NPSR1: variants seen among roughly 807,000 people sequenced by gnomAD.
The protein encoded by NPSR1 is neuropeptide S receptor 1.
Under a neutral mutation model 46.9 loss-of-function variants are expected in NPSR1, and 48 were observed. That is an observed-to-expected ratio of 1.02 (90% confidence interval 0.81 to 1.30). The LOEUF is 1.30. Ranked by LOEUF, NPSR1 falls within the 50% of genes most tolerant of loss-of-function variation. The pLI is 0.00. For synonymous variants in NPSR1, 176 were observed against 168.1 expected, an observed-to-expected ratio of 1.05 and a Z score of -0.36; for missense variants, 450 against 449.5, an observed-to-expected ratio of 1.00 and a Z score of -0.01.
At chr7:34,665,044 G>A (rs934456043) in intron 1 of NPSR1, among the ~76,000 whole-genome samples, 19 of 152,032 alleles carry the variant, frequency 1.2e-4, no homozygotes, top group Admixed American at 1.0e-3. Context: ...CTTTTTCTTT[G>A]AGCAGATATG....
At chr7:34,721,749 A>G (rs1783868250) in intron 2 of NPSR1, among the ~76,000 whole-genome samples, 1 of 152,234 alleles carries the variant, frequency 6.6e-6, no homozygotes, top group Admixed American at 6.5e-5. Flanking sequence ...TATGCCGCCG[A>G]ATTTATGTAT....
At position 34,810,951 on chromosome 7, in the gene NPSR1, C is replaced by T. The variant is rs549001617; in HGVS notation, c.385-819C>T. On this transcript the variant is annotated intron_variant, in intron 3 of 8. Coordinates refer to ENST00000360581, the MANE Select transcript of NPSR1 (RefSeq NM_207172.2). ...AGGGGTATGGCTCTCTGTTCAGCTTCCTCAAGCTCAAACTCCTTATAGGAG... is the reference window on the plus strand; with the variant it reads ...AGGGGTATGGCTCTCTGTTCAGCTTTCTCAAGCTCAAACTCCTTATAGGAG... Among the ~76,000 whole-genome samples the T allele has an allele frequency of 3.0e-4, 46 of 152,244 alleles. No individual in the cohort carries two copies. The South Asian group carries it at 9.1e-3, about 30-fold the overall frequency.
chr7:34,751,005 T>A, intron 2 of NPSR1: 1 of 771,570 alleles, frequency 1.3e-6, no homozygotes, highest in Non-Finnish European at 2.4e-6. Context: ...ATTGAAGAAC[T>A]TCTTGGCCAG....
chr7:34,820,308 G>T (rs928522580), intron 4 of NPSR1, among the ~76,000 whole-genome samples: 1 of 152,094 alleles, frequency 6.6e-6, no homozygotes, highest in Admixed American at 6.5e-5. Context: ...TGGTTTAGAA[G>T]TTAATTTTAA....
At chr7:34,845,473 T>A (rs766580017) in intron 7 of NPSR1, 10 of 430,680 alleles carry the variant, frequency 2.3e-5, no homozygotes, top group Non-Finnish European at 4.1e-5. Context: ...CTCTTAAGAC[T>A]CATAAAGTCA....
intron 2 of NPSR1, chr7:34,750,442 G>A (rs1785460630): frequency 4.0e-6 from 3 of 742,978 alleles, no homozygotes; most frequent in African/African-American, 3.4e-5. Context: ...GCTCTGGTGT[G>A]ACGAAGTCAT....
chr7:34,667,351 G>T (rs1791801925), intron 1 of NPSR1, among the ~76,000 whole-genome samples: 2 of 152,190 alleles, frequency 1.3e-5, no homozygotes, highest in South Asian at 4.1e-4. Context: ...ACAGGAGAAA[G>T]GGGGGTAGTC....
chr7:34,823,609 G>C (rs1206202574), intron 4 of NPSR1, among the ~76,000 whole-genome samples: 1 of 151,824 alleles, frequency 6.6e-6, no homozygotes, highest in Non-Finnish European at 1.5e-5. Flanking sequence ...ATAAATAGTA[G>C]GCACTTTTGA....
chr7:34,727,316 G>A (rs1784206601), intron 2 of NPSR1, among the ~76,000 whole-genome samples: 1 of 152,110 alleles, frequency 6.6e-6, no homozygotes, highest in Non-Finnish European at 1.5e-5. Flanking sequence ...ATCTCCAGGA[G>A]GGTGATCATG....
At chr7:34,692,182 C>G (rs984199180) in intron 2 of NPSR1, among the ~76,000 whole-genome samples, 16 of 151,954 alleles carry the variant, frequency 1.1e-4, no homozygotes, top group African/African-American at 3.4e-4. Context: ...TGGACTTAAA[C>G]TATATATAGA....
downstream of NPSR1, among the ~76,000 whole-genome samples, chr7:34,850,543 GGT>G (rs1790903935): frequency 6.6e-6 from 1 of 152,004 alleles, no homozygotes. Context: ...TGCGACCACA[GGT>G]GCCCGCCACC....
At chr7:34,690,325 C>T (rs1793183765) in intron 2 of NPSR1, among the ~76,000 whole-genome samples, 1 of 152,026 alleles carries the variant, frequency 6.6e-6, no homozygotes, top group Non-Finnish European at 1.5e-5. Context: ...AGAGAAATAA[C>T]TCGGAATGTA....
intron 3 of NPSR1, among the ~76,000 whole-genome samples, chr7:34,783,165 T>C (rs1280574715): frequency 6.6e-6 from 1 of 152,128 alleles, no homozygotes; most frequent in East Asian, 1.9e-4. Flanking sequence ...AAATGTGCAA[T>C]GCATTAGTCC....
At chr7:34,801,539 C>G (rs1310511490) in intron 3 of NPSR1, among the ~76,000 whole-genome samples, 4 of 137,484 alleles carry the variant, frequency 2.9e-5, no homozygotes, top group Admixed American at 1.5e-4. Context: ...TAAAAACACT[C>G]AATAAATTAG....
chr7:34,871,775 C>T (rs9690135), intron 8 of NPSR1, among the ~76,000 whole-genome samples: 2,757 of 152,072 alleles, frequency 0.018, 178 homozygotes, highest in African/African-American at 0.063. Context: ...TCATGTCCCG[C>T]ACCCTGGTAT....
At chr7:34,874,308 A>C (rs1415769881) in intron 8 of NPSR1, among the ~76,000 whole-genome samples, 3 of 152,222 alleles carry the variant, frequency 2.0e-5, no homozygotes, top group Non-Finnish European at 2.9e-5. Flanking sequence ...TCTTCTTGTA[A>C]GAACTAAATT....
intron 3 of NPSR1, among the ~76,000 whole-genome samples, chr7:34,801,655 G>A (rs1315347714): frequency 6.9e-6 from 1 of 145,422 alleles, no homozygotes; most frequent in Non-Finnish European, 1.5e-5. Context: ...TTGAAAACTG[G>A]CACAAGACAG....
At chr7:34,736,667 C>G (rs1447525978) in intron 2 of NPSR1, among the ~76,000 whole-genome samples, 2 of 152,144 alleles carry the variant, frequency 1.3e-5, no homozygotes, top group Non-Finnish European at 1.5e-5. Flanking sequence ...GTGGTGCCAT[C>G]ATAGCTCACT....
chr7:34,850,746 G>A (rs778872927), downstream of NPSR1, among the ~76,000 whole-genome samples: 15 of 152,012 alleles, frequency 9.9e-5, no homozygotes, highest in African/African-American at 1.5e-4. Flanking sequence ...TTAACACTTG[G>A]GCCACTCTGG....
Sources: allele counts gnomAD v4.1 joint callset (sites outside exome capture counted in the v4.1 genomes callset), GRCh38; gene constraint gnomAD v4.1.1; transcripts MANE v1.5; gene names NCBI Gene and HGNC (gene_info 2026-07-23, HGNC 2026-07-21).